Variants in TMED3 observed in about 807,000 individuals in gnomAD.
TMED3 encodes transmembrane emp24 domain-containing protein 3.
In TMED3, 9 loss-of-function variants were observed where a neutral mutation model predicts 15.0. The ratio of observed to expected loss-of-function variants is 0.60; its 90% CI spans 0.36 to 1.04. The LOEUF is 1.04. TMED3 is among the 50% of genes least tolerant of loss of function. The probability of loss-of-function intolerance (pLI) is 0.01; values close to 1 mark genes in which losing one functional copy is unlikely to be tolerated. For synonymous variants in TMED3, 117 were observed against 121.4 expected, an observed-to-expected ratio of 0.96 and a Z score of 0.24; for missense variants, 267 against 278.9, an observed-to-expected ratio of 0.96 and a Z score of 0.30.
intron 2 of TMED3, among the ~76,000 whole-genome samples, chr15:79,378,660 G>A (rs993713347): frequency 3.9e-5 from 6 of 152,314 alleles, no homozygotes; most frequent in Admixed American, 1.3e-4. Context: ...GATGAGGCAT[G>A]GGAGCTCACA....
chr15:79,329,493 A>G (rs2058799697), intron 2 of TMED3, among the ~76,000 whole-genome samples: 1 of 152,246 alleles, frequency 6.6e-6, no homozygotes, highest in Non-Finnish European at 1.5e-5. Flanking sequence ...TACTTGGCTC[A>G]GAGCCACTAT....
chr15:79,366,765 A>T (rs775637786), intron 2 of TMED3, among the ~76,000 whole-genome samples: 1 of 152,222 alleles, frequency 6.6e-6, no homozygotes, highest in African/African-American at 2.4e-5. Context: ...GGATGGCTTC[A>T]CAAATCTAAA....
chr15:79,377,168 G>A (rs1205745510), intron 2 of TMED3, among the ~76,000 whole-genome samples: 1 of 152,118 alleles, frequency 6.6e-6, no homozygotes, highest in African/African-American at 2.4e-5. Context: ...TCTTGCTCAC[G>A]TGGGCCTATT....
chr15:79,325,358 C>T (rs1470499386), downstream of TMED3, among the ~76,000 whole-genome samples: 1 of 152,116 alleles, frequency 6.6e-6, no homozygotes, highest in African/African-American at 2.4e-5. Flanking sequence ...AGTAAAATGG[C>T]TTTGTATGGT....
intron 2 of TMED3, among the ~76,000 whole-genome samples, chr15:79,405,366 G>A (rs1325150065): frequency 2.0e-5 from 3 of 152,276 alleles, no homozygotes; most frequent in South Asian, 4.1e-4. Flanking sequence ...CCTGAGTGGT[G>A]GGAGCTCAAT....
At chr15:79,345,204 T>C (rs2058865805) in intron 2 of TMED3, among the ~76,000 whole-genome samples, 1 of 152,182 alleles carries the variant, frequency 6.6e-6, no homozygotes, top group Non-Finnish European at 1.5e-5. Flanking sequence ...GTTACATAGG[T>C]ACACTGGTGT....
chr15:79,386,234 A>G (rs994581961), intron 2 of TMED3, among the ~76,000 whole-genome samples: 2 of 152,326 alleles, frequency 1.3e-5, no homozygotes, highest in East Asian at 1.9e-4. Context: ...TACATTTAAT[A>G]CCACTGAACT....
chr15:79,353,246 CTATA>C (rs1162452409), intron 2 of TMED3, among the ~76,000 whole-genome samples: 2 of 39,924 alleles, frequency 5.0e-5, no homozygotes, highest in African/African-American at 2.3e-4. Context: ...AATATATATA[CTATA>C]TATAATATAT....
At chr15:79,409,220 T>G (rs1333462504) in intron 2 of TMED3, among the ~76,000 whole-genome samples, 1 of 152,252 alleles carries the variant, frequency 6.6e-6, no homozygotes, top group East Asian at 1.9e-4. Flanking sequence ...CTTTTCTTGA[T>G]GAGCAAAGGT....
Position 79,322,051 on chromosome 15 carries a change from G to C in TMED3, c.491G>C (p.Arg164Pro), listed in dbSNP as rs141582027. ...GACTCCCAGACGCATTACCGGCTGCGGGAGGCCCAGGACCGGGCCCGAGCA... is the reference window on the plus strand; with the variant it reads ...GACTCCCAGACGCATTACCGGCTGCCGGAGGCCCAGGACCGGGCCCGAGCA... Reference protein sequence around the residue: ...VIDSQTHYRLREAQDRARAED... With the variant: ...VIDSQTHYRLPEAQDRARAED... The change falls in exon 3 of 3, where the codon CGG (arginine) becomes CCG (proline). Residue 164 changes from arginine (R) to proline (P), a missense_variant. Arg to Pro is a moderately radical substitution (Grantham distance 103, BLOSUM62 -2). Transcript: ENST00000299705. 1.7e-5 allele frequency: 27 copies of C among 1,614,206 alleles called. No individual in the cohort carries two copies. The highest frequency in any genetic ancestry group is 2.2e-5 in the Non-Finnish European group (26 of 1,180,038).
intron 2 of TMED3, among the ~76,000 whole-genome samples, chr15:79,392,675 G>C (rs1893711697): frequency 6.6e-6 from 1 of 152,084 alleles, no homozygotes; most frequent in Non-Finnish European, 1.5e-5. Context: ...CTGATTTTTT[G>C]TTCGTGTGGT....
At position 79,317,141 on chromosome 15, in the gene TMED3, G is replaced by T. The variant is rs1010504268; in HGVS notation, c.417+3136G>T. 2.6e-5 allele frequency among the ~76,000 whole-genome samples: 4 copies of T among 152,168 alleles called. No homozygotes were observed. In the East Asian group the frequency reaches 7.7e-4, roughly 29 times the overall value. On this transcript the variant is annotated intron_variant, in intron 2 of 2. Coordinates refer to ENST00000299705, the MANE Select transcript of TMED3 (RefSeq NM_007364.4). ...CACCTGTTGCTCCGTTACCCTCTTG[G>T]AACTGGTCCCTTTGCTATCACTGAT...
downstream of TMED3, among the ~76,000 whole-genome samples, chr15:79,324,413 A>G (rs1399912389): frequency 6.6e-6 from 1 of 152,238 alleles, no homozygotes; most frequent in African/African-American, 2.4e-5. Context: ...CAAACAGAGT[A>G]ATACAGTTCC....
chr15:79,403,188 G>A (rs28536531), intron 2 of TMED3, among the ~76,000 whole-genome samples: 65,974 of 136,572 alleles, frequency 0.48, 15,691 homozygotes, highest in East Asian at 0.69. Flanking sequence ...ACATCACTGC[G>A]CTCCAGCCTG....
At chr15:79,331,432 A>C (rs2141223499) in intron 2 of TMED3, among the ~76,000 whole-genome samples, 1 of 152,198 alleles carries the variant, frequency 6.6e-6, no homozygotes, top group East Asian at 1.9e-4. Flanking sequence ...ACCTAAATGT[A>C]AGACCCCAAA....
chr15:79,315,221 A>G (rs1188862770), intron 2 of TMED3, among the ~76,000 whole-genome samples: 2 of 152,352 alleles, frequency 1.3e-5, no homozygotes, highest in Non-Finnish European at 2.9e-5. Flanking sequence ...TGTTCAGTAC[A>G]GTAGCCAGTG....
intron 2 of TMED3, among the ~76,000 whole-genome samples, chr15:79,353,180 A>G (rs1183687593): frequency 1.7e-5 from 1 of 60,004 alleles, no homozygotes; most frequent in African/African-American, 7.5e-5. Context: ...TACATAATAT[A>G]TAAAATATAT....
chr15:79,393,491 A>G (rs549427023), intron 2 of TMED3, among the ~76,000 whole-genome samples: 1 of 152,330 alleles, frequency 6.6e-6, no homozygotes, highest in Non-Finnish European at 1.5e-5. Flanking sequence ...TATAAAAGAT[A>G]TATGTGAACA....
chr15:79,317,680 T>C (rs11637430), intron 2 of TMED3, among the ~76,000 whole-genome samples: 95,582 of 152,080 alleles, frequency 0.63, 30,255 homozygotes, highest in East Asian at 0.81. Flanking sequence ...TATACACTTA[T>C]GTGTGTGTCT....
Sources: gnomAD v4.1 joint callset for allele counts (sites outside exome capture counted in the v4.1 genomes callset) on GRCh38, gnomAD v4.1.1 for gene constraint, MANE v1.5 for transcripts, NCBI Gene and HGNC (gene_info 2026-07-23, HGNC 2026-07-21) for gene names.